Variants in FSTL5 observed in about 807,000 individuals in gnomAD.
The protein encoded by FSTL5 is follistatin-related protein 5.
FSTL5 carries 62 observed loss-of-function variants against 89.1 expected under a neutral mutation model. That is an observed-to-expected ratio of 0.70 (90% CI 0.57 to 0.86). The LOEUF is 0.86. FSTL5 is among the 40% of genes least tolerant of loss of function. The probability of loss-of-function intolerance (pLI) is 0.00; values close to 1 mark genes in which losing one functional copy is unlikely to be tolerated. For synonymous variants in FSTL5, 383 were observed against 346.2 expected, an observed-to-expected ratio of 1.11 and a Z score of -1.18; for missense variants, 1,057 against 1,001.6, an observed-to-expected ratio of 1.06 and a Z score of -0.75.
At chr4:161,860,912 C>CTCTCTCTTT in intron 4 of FSTL5, among the ~76,000 whole-genome samples, 1 of 151,986 alleles carries the variant, frequency 6.6e-6, no homozygotes, top group Non-Finnish European at 1.5e-5. Context: ...CCCTCTCTCT[C>CTCTCTCTTT]TCACACACAC....
chr4:162,008,991 G>C (rs1296487775), intron 3 of FSTL5, among the ~76,000 whole-genome samples: 1 of 152,014 alleles, frequency 6.6e-6, no homozygotes, highest in African/African-American at 2.4e-5. Flanking sequence ...AATGGAAGAA[G>C]AAATTTAAAA....
intron 15 of FSTL5, among the ~76,000 whole-genome samples, chr4:161,446,310 T>C (rs1435605153): frequency 6.6e-6 from 1 of 152,044 alleles, no homozygotes; most frequent in African/African-American, 2.4e-5. Context: ...CACAGAAAAT[T>C]TCCAAAATGT....
chr4:161,435,790 T>G (rs949154996), intron 15 of FSTL5, among the ~76,000 whole-genome samples: 4 of 151,844 alleles, frequency 2.6e-5, no homozygotes, highest in South Asian at 4.1e-4. Context: ...TAATAAGCAA[T>G]CAAAACCAGA....
chr4:162,098,206 G>A (rs747900760), intron 2 of FSTL5, among the ~76,000 whole-genome samples: 13 of 151,748 alleles, frequency 8.6e-5, no homozygotes, highest in South Asian at 8.3e-4. Flanking sequence ...AGTGAAAAAC[G>A]TATTACATAA....
intron 3 of FSTL5, among the ~76,000 whole-genome samples, chr4:162,003,484 A>G (rs1377461981): frequency 6.6e-6 from 1 of 152,184 alleles, no homozygotes; most frequent in Non-Finnish European, 1.5e-5. Context: ...TTAAATAAAT[A>G]ATGGAAGATA....
intron 13 of FSTL5, among the ~76,000 whole-genome samples, chr4:161,461,139 T>A (rs1208505694): frequency 1.3e-5 from 2 of 151,756 alleles, no homozygotes; most frequent in African/African-American, 4.8e-5. Flanking sequence ...TCCAAAGTCA[T>A]TTTGAGGCCA....
intron 4 of FSTL5, among the ~76,000 whole-genome samples, chr4:161,790,836 T>G (rs1729446720): frequency 6.6e-6 from 1 of 152,198 alleles, no homozygotes; most frequent in Non-Finnish European, 1.5e-5. Flanking sequence ...ATTCATAGAA[T>G]GCATTTTGTA....
intron 15 of FSTL5, among the ~76,000 whole-genome samples, chr4:161,411,855 G>T (rs1165984801): frequency 6.6e-6 from 1 of 152,092 alleles, no homozygotes; most frequent in South Asian, 2.1e-4. Context: ...GCAAGAGAAA[G>T]AAAAGAAAGG....
At chr4:161,934,975 A>C (rs900417727) in intron 3 of FSTL5, among the ~76,000 whole-genome samples, 23 of 152,192 alleles carry the variant, frequency 1.5e-4, no homozygotes, top group African/African-American at 5.3e-4. Flanking sequence ...CACAAACTCT[A>C]CTTAAACCTA....
chr4:162,031,875 T>C (rs948874603), intron 3 of FSTL5, among the ~76,000 whole-genome samples: 3 of 151,908 alleles, frequency 2.0e-5, no homozygotes, highest in Admixed American at 6.6e-5. Context: ...GAGGCAGAGG[T>C]TGCAGTGAGA....
At chr4:161,836,502 G>A (rs1392222398) in intron 4 of FSTL5, among the ~76,000 whole-genome samples, 5 of 151,488 alleles carry the variant, frequency 3.3e-5, no homozygotes, top group Admixed American at 1.3e-4. Flanking sequence ...AGTAAGAAAT[G>A]TTCCTGCACA....
At chr4:161,776,309 G>A (rs1405356922) in intron 4 of FSTL5, among the ~76,000 whole-genome samples, 1 of 151,994 alleles carries the variant, frequency 6.6e-6, no homozygotes, top group Non-Finnish European at 1.5e-5. Context: ...GTTTGTTTAT[G>A]AGGAAGGCAT....
At chr4:161,505,785 A>G (rs12510443) in intron 11 of FSTL5, among the ~76,000 whole-genome samples, 35,910 of 152,068 alleles carry the variant, frequency 0.24, 5,007 homozygotes, top group South Asian at 0.34. Flanking sequence ...CTACAAATGG[A>G]TATCTCTTGC....
intron 4 of FSTL5, among the ~76,000 whole-genome samples, chr4:161,786,957 G>A (rs1328424817): frequency 6.6e-6 from 1 of 152,020 alleles, no homozygotes; most frequent in Middle Eastern, 3.2e-3. Context: ...ACAAATAAAT[G>A]TTTAATTGTG....
At position 162,052,975 on chromosome 4, in the gene FSTL5, T is replaced by A. The variant is rs1242207489; in HGVS notation, c.127-19317A>T. Among the ~76,000 whole-genome samples the A allele has an allele frequency of 2.0e-5, 3 of 151,706 alleles. No individual in the cohort carries two copies. The East Asian group carries it at 5.8e-4, about 29-fold the overall frequency. Reference sequence around the variant, plus strand: ...CAAGTCATGAAACAAATTGATATAGTTGACAATGGGAAGAAGAGTTACATA... The same window carrying A: ...CAAGTCATGAAACAAATTGATATAGATGACAATGGGAAGAAGAGTTACATA... On this transcript the variant is annotated intron_variant, in intron 2 of 15. Coordinates refer to ENST00000306100, the MANE Select transcript of FSTL5 (RefSeq NM_020116.5).
At chr4:161,718,498 A>G (rs186045376) in intron 6 of FSTL5, among the ~76,000 whole-genome samples, 284 of 151,894 alleles carry the variant, frequency 1.9e-3, no homozygotes, top group African/African-American at 6.5e-3. Context: ...GCGAGATCTC[A>G]GCTCACTGCA....
At chr4:161,474,029 C>T (rs1460476271) in intron 13 of FSTL5, among the ~76,000 whole-genome samples, 1 of 152,148 alleles carries the variant, frequency 6.6e-6, no homozygotes, top group Non-Finnish European at 1.5e-5. Flanking sequence ...TTTCCCCTCT[C>T]ATTTCCTGCA....
intron 15 of FSTL5, among the ~76,000 whole-genome samples, chr4:161,436,518 T>C (rs1732566335): frequency 6.6e-6 from 1 of 152,236 alleles, no homozygotes; most frequent in Non-Finnish European, 1.5e-5. Flanking sequence ...TTGCTTCGGC[T>C]GCATTTCTTC....
chr4:161,817,889 A>G (rs920081267), intron 4 of FSTL5, among the ~76,000 whole-genome samples: 39 of 152,226 alleles, frequency 2.6e-4, no homozygotes, highest in African/African-American at 9.4e-4. Flanking sequence ...GTCCCTTTAA[A>G]TGATACTGGA....
Sources: allele counts gnomAD v4.1 joint callset (sites outside exome capture counted in the v4.1 genomes callset), GRCh38; gene constraint gnomAD v4.1.1; transcripts MANE v1.5; gene names NCBI Gene and HGNC (gene_info 2026-07-23, HGNC 2026-07-21).